Variants in SPATA13 observed in about 807,000 individuals in gnomAD.
SPATA13 encodes the protein spermatogenesis-associated protein 13.
Under a neutral mutation model 104.0 loss-of-function variants are expected in SPATA13, and 50 were observed. That is an observed-to-expected ratio of 0.48 (90% CI 0.38 to 0.61). SPATA13 has a LOEUF of 0.61. SPATA13 is among the 20% of genes least tolerant of loss of function. The pLI, the probability that SPATA13 is intolerant of heterozygous loss-of-function variation, is 0.00. For synonymous variants in SPATA13, 606 were observed against 667.5 expected (o/e 0.91, Z 1.42); for missense variants, 1,524 against 1,690.6 (o/e 0.90, Z 1.73).
In SPATA13 at chr13:24,297,741, C is replaced by G. The variant is rs1486067532; in HGVS notation, c.3583+6C>G. On this transcript the variant is annotated splice_donor_region_variant and intron_variant, in intron 11 of 12. Coordinates refer to ENST00000382108, the MANE Select transcript of SPATA13 (RefSeq NM_001166271.3). Reference sequence around the variant, plus strand: ...GCAAGAGGACAAGGAGATGGGTGAGCAGCCCTTGGCTCTGCAGGCACCTGT... The same window carrying G: ...GCAAGAGGACAAGGAGATGGGTGAGGAGCCCTTGGCTCTGCAGGCACCTGT... The G allele has an allele frequency of 3.1e-6, 5 of 1,602,708 alleles. No homozygotes were observed. Among genetic ancestry groups the G allele is most frequent in the Non-Finnish European group, 4.3e-6 (5 of 1,173,184 alleles).
intron 3 of SPATA13, among the ~76,000 whole-genome samples, chr13:24,126,407 C>T (rs1370187599): frequency 3.9e-5 from 6 of 152,212 alleles, no homozygotes; most frequent in African/African-American, 1.2e-4. Context: ...ACAGATTGCT[C>T]CTCAGTAGAT....
intron 3 of SPATA13, among the ~76,000 whole-genome samples, chr13:24,073,853 G>A (rs1338110153): frequency 2.0e-5 from 3 of 152,228 alleles, no homozygotes; most frequent in Non-Finnish European, 4.4e-5. Context: ...CAGGAAGGCT[G>A]TGAACTGAGC....
chr13:24,192,658 A>C (rs1211213705), intron 1 of SPATA13, among the ~76,000 whole-genome samples: 1 of 152,056 alleles, frequency 6.6e-6, no homozygotes, highest in South Asian at 2.1e-4. Context: ...AGGTCTGCAC[A>C]CCTGCCCTGG....
At chr13:24,240,306 G>T (rs1370736357) in intron 2 of SPATA13, among the ~76,000 whole-genome samples, 1 of 152,048 alleles carries the variant, frequency 6.6e-6, no homozygotes, top group Non-Finnish European at 1.5e-5. Flanking sequence ...TCTCTACCTG[G>T]ATGTCAATCT....
chr13:24,236,331 A>T (rs1872563079), intron 2 of SPATA13, among the ~76,000 whole-genome samples: 1 of 152,168 alleles, frequency 6.6e-6, no homozygotes, highest in East Asian at 1.9e-4. Flanking sequence ...ACTTGAATAG[A>T]CATTTCTCTA....
At chr13:24,037,998 A>G (rs950239829) in intron 3 of SPATA13, among the ~76,000 whole-genome samples, 18 of 150,652 alleles carry the variant, frequency 1.2e-4, no homozygotes, top group Non-Finnish European at 1.6e-4. Flanking sequence ...TGCAAGCTCT[A>G]CCTCCCGGGT....
At chr13:24,216,190 G>A (rs1021840603) in intron 1 of SPATA13, among the ~76,000 whole-genome samples, 3 of 152,130 alleles carry the variant, frequency 2.0e-5, no homozygotes, top group Admixed American at 1.3e-4. Context: ...AGCATCTTTC[G>A]CACAAGCTCA....
intron 2 of SPATA13, chr13:23,983,951 C>G (rs752638278): frequency 5.2e-4 from 517 of 985,292 alleles, no homozygotes; most frequent in Non-Finnish European, 6.1e-4. Context: ...GAGCAACTTT[C>G]TGCCTGCATG....
At chr13:24,018,413 A>G (rs1212488865) in intron 3 of SPATA13, among the ~76,000 whole-genome samples, 1 of 152,254 alleles carries the variant, frequency 6.6e-6, no homozygotes, top group African/African-American at 2.4e-5. Flanking sequence ...ACAAGTAAAG[A>G]ATCTGAGGAA....
At chr13:24,048,543 A>T (rs936893978) in intron 3 of SPATA13, among the ~76,000 whole-genome samples, 3 of 152,164 alleles carry the variant, frequency 2.0e-5, no homozygotes, top group Admixed American at 6.5e-5. Flanking sequence ...ACAAATATGG[A>T]ATATATAACT....
chr13:24,061,014 G>C (rs146944673), intron 3 of SPATA13, among the ~76,000 whole-genome samples: 2,761 of 152,250 alleles, frequency 0.018, 84 homozygotes, highest in Admixed American at 0.089. Flanking sequence ...ACTCCAGCTG[G>C]GGCAACAAAG....
upstream of SPATA13, among the ~76,000 whole-genome samples, chr13:24,157,175 G>A (rs985464494): frequency 2.6e-5 from 4 of 152,284 alleles, no homozygotes; most frequent in South Asian, 8.3e-4. Context: ...TAGTCTGGGC[G>A]GAAAGGTTAA....
intron 2 of SPATA13, among the ~76,000 whole-genome samples, chr13:24,243,390 C>T (rs961529995): frequency 8.5e-5 from 13 of 152,194 alleles, no homozygotes; most frequent in African/African-American, 2.7e-4. Flanking sequence ...TTCCCTGTCC[C>T]CTCCCTCCAG....
At chr13:24,268,908 A>G (rs1018725617) in intron 4 of SPATA13, among the ~76,000 whole-genome samples, 1 of 152,150 alleles carries the variant, frequency 6.6e-6, no homozygotes. Flanking sequence ...TGAGGGTGGG[A>G]TGCTCCAGAT....
Position 24,278,873 on chromosome 13 carries a change from TTTCCTTCCTTCCTTCCTTCCTTCC to T in SPATA13, c.2165-5233_2165-5210del, listed in dbSNP as rs55973344. 361 of 1,117,164 alleles carry T rather than the reference TTTCCTTCCTTCCTTCCTTCCTTCC, an allele frequency of 3.2e-4. 2 individuals are homozygous for T. In the African/African-American group the frequency reaches 6.6e-3, roughly 20 times the overall value. 69.2% of individuals were successfully genotyped at this position (1,117,164 alleles called of 1,614,324 possible). On this transcript the variant is annotated intron_variant, in intron 4 of 12. Coordinates refer to ENST00000382108, the MANE Select transcript of SPATA13 (RefSeq NM_001166271.3). ...GCATGAAGTCCACATGCTGTTTTTCTTTCCTTCCTTCCTTCCTTCCTTCCTTCCTTCCTTCCTTCCTTCCTTCCT... is the reference window on the plus strand; with the variant it reads ...GCATGAAGTCCACATGCTGTTTTTCTTTCCTTCCTTCCTTCCTTCCTTCCT...
At chr13:24,005,942 C>A (rs543332887) in intron 2 of SPATA13, among the ~76,000 whole-genome samples, 1 of 152,316 alleles carries the variant, frequency 6.6e-6, no homozygotes, top group South Asian at 2.1e-4. Flanking sequence ...CTGTTTCTTG[C>A]ATAATCATCA....
intron 2 of SPATA13, among the ~76,000 whole-genome samples, chr13:24,005,358 T>C (rs1408930508): frequency 6.6e-6 from 1 of 152,170 alleles, no homozygotes; most frequent in Non-Finnish European, 1.5e-5. Context: ...CTTCAATGAA[T>C]TGGAGGGTTG....
upstream of SPATA13, among the ~76,000 whole-genome samples, chr13:24,157,037 G>A (rs1882273488): frequency 6.6e-6 from 1 of 152,176 alleles, no homozygotes; most frequent in Admixed American, 6.5e-5. Flanking sequence ...TGTTGCTAAT[G>A]ATCTCTGAGT....
intron 3 of SPATA13, among the ~76,000 whole-genome samples, chr13:24,144,123 C>T (rs1881854002): frequency 6.6e-6 from 1 of 152,144 alleles, no homozygotes; most frequent in East Asian, 1.9e-4. Flanking sequence ...TCTGCAAGGT[C>T]ATTATTGTGA....
Sources: allele counts gnomAD v4.1 joint callset (sites outside exome capture counted in the v4.1 genomes callset), GRCh38; gene constraint gnomAD v4.1.1; transcripts MANE v1.5; gene names NCBI Gene and HGNC (gene_info 2026-07-23, HGNC 2026-07-21).